SLX4: variants seen among roughly 807,000 people sequenced by gnomAD.
The protein encoded by SLX4 is structure-specific endonuclease subunit SLX4.
A neutral mutation model predicts 146.2 loss-of-function variants in SLX4; 112 were observed. The observed-to-expected ratio is 0.77, with a 90% CI of 0.66 to 0.90. The LOEUF (loss-of-function observed/expected upper bound fraction) is 0.90, where lower values mean the gene tolerates loss of function less well. Among genes scored for constraint, SLX4 ranks in the 40% least tolerant of loss-of-function variants. The probability of loss-of-function intolerance (pLI) is 0.00; values close to 1 mark genes in which losing one functional copy is unlikely to be tolerated. For missense variants in SLX4, 2,563 were observed against 2,392.7 expected, an observed-to-expected ratio of 1.07 and a Z score of -1.49; for synonymous variants, 1,061 against 997.7, an observed-to-expected ratio of 1.06 and a Z score of -1.20.
chr16:3,583,738 C>G (rs2040472302), intron 13 of SLX4, among the ~76,000 whole-genome samples: 1 of 152,240 alleles, frequency 6.6e-6, no homozygotes, highest in African/African-American at 2.4e-5. Context: ...CACAATGGCT[C>G]ACGCCTACAA....
At chr16:3,592,133 C>T (rs2040600788) in intron 11 of SLX4, among the ~76,000 whole-genome samples, 2 of 152,266 alleles carry the variant, frequency 1.3e-5, no homozygotes, top group South Asian at 2.1e-4. Flanking sequence ...TTTCCAACTC[C>T]AGAGGCTGAG....
Position 3,582,393 on chromosome 16 carries a change from G to A in SLX4, c.5454C>T (p.Leu1818=). 6.2e-7 allele frequency: 1 copy of A among 1,613,872 alleles called. No individual in the cohort carries two copies. Among genetic ancestry groups the A allele is most frequent in the South Asian group, 1.1e-5 (1 of 91,078 alleles). The change falls in exon 15 of 15, where the codon CTC becomes CTT. Residue 1818 remains leucine (L), a synonymous_variant. Coordinates refer to ENST00000294008, the MANE Select transcript of SLX4 (RefSeq NM_032444.4). ...FTTAATRREK[L]QGRRRQPRGK... Reference sequence around the variant, plus strand: ...CCCGAGGCTGCCGCCTCCTGCCCTGGAGCTTCTCCCTGCGGGTGGCGGCAG... The same window carrying A: ...CCCGAGGCTGCCGCCTCCTGCCCTGAAGCTTCTCCCTGCGGGTGGCGGCAG...
Position 3,592,683 on chromosome 16 carries a change from G to A in SLX4, c.2327+16C>T. On this transcript the variant is annotated intron_variant, in intron 11 of 14. Coordinates refer to ENST00000294008, the MANE Select transcript of SLX4 (RefSeq NM_032444.4). ...TCCTCGTCAGTTAATTTCAAAAGCT[G>A]GGGAGCAATCCAGACCTGTGGGCCA... 6.2e-7 allele frequency: 1 copy of A among 1,611,194 alleles called. No individual in the cohort carries two copies.
rs1290545290 is a variant in SLX4 at position 3,609,567 on chromosome 16, C to A, written c.-602-1G>T. ...ATATATGGTTCACTTAATTACACAT[C>A]TGTGGAAAACCAAAAGCATGTAAGT... is the stretch of plus-strand genomic sequence containing the variant. On this transcript the variant is annotated splice_acceptor_variant, in intron 1 of 14. Coordinates refer to ENST00000294008, the MANE Select transcript of SLX4 (RefSeq NM_032444.4). LOFTEE classifies it low-confidence loss of function (5UTR_SPLICE). 1 of 153,172 alleles carries A rather than the reference C, an allele frequency of 6.5e-6. No individual in the cohort carries two copies. Among genetic ancestry groups the A allele is most frequent in the Non-Finnish European group, 1.5e-5 (1 of 68,738 alleles). 9.5% of individuals were successfully genotyped at this position (153,172 alleles called of 1,614,324 possible). A position where few individuals can be genotyped will look rare whatever the true frequency, so the allele number is the denominator to read the frequency against.
At position 3,581,301 on chromosome 16, in the gene SLX4, T is replaced by C. The variant is rs117958592; in HGVS notation, c.*1041A>G. ...AGGTTTCCTTCTTTCCTGGCCCTCA[T>C]CTTCCTCCACACTGCTCCTGAGGCT... On this transcript the variant is annotated 3_prime_UTR_variant, in exon 15 of 15. Transcript: ENST00000294008. 442 of 152,858 alleles carry C rather than the reference T, an allele frequency of 2.9e-3. 1 individual carries two copies. The highest frequency in any genetic ancestry group is 5.0e-3 in the Non-Finnish European group (340 of 68,080). The allele number at this position is 152,858 out of a possible 1,614,324, so 9.5% of individuals were successfully genotyped here. A position where few individuals can be genotyped will look rare whatever the true frequency, so the allele number is the denominator to read the frequency against.
In SLX4 at chr16:3,592,840, A is replaced by G. The variant is rs1369556026; in HGVS notation, c.2186T>C (p.Val729Ala). The G allele has an allele frequency of 6.2e-7, 1 of 1,612,004 alleles. No homozygotes were observed. Among genetic ancestry groups the G allele is most frequent in the Non-Finnish European group, 8.5e-7 (1 of 1,179,818 alleles). ...QYVNNEGFSA[V>A]EDGVLTQRVL... The stretch of plus-strand genomic sequence containing the variant: ...ACGCTGGGTCAGAACCCCGTCCTCT[A>G]CAGCGGAGAAGCCTTCATTGTTCAC... Residue 729 changes from valine (V) to alanine (A), a missense_variant, in exon 11 of 15, where the codon GTA (valine) becomes GCA (alanine). By Grantham distance (64) the Val-to-Ala change is moderately conservative (BLOSUM62 0). Transcript: ENST00000294008.
chr16:3,590,908 C>A lies in SLX4; in HGVS notation c.2730G>T (p.Glu910Asp). The change falls in exon 12 of 15, where the codon GAG (glutamate) becomes GAT (aspartate). Residue 910 changes from glutamate to aspartate, a missense_variant. Glu to Asp is a conservative substitution (Grantham distance 45, BLOSUM62 2). Coordinates refer to ENST00000294008, the MANE Select transcript of SLX4 (RefSeq NM_032444.4). This position sits in a 1 kb window ranked among gnomAD's most constrained non-coding sequence, Gnocchi z 4.8. ...WDKVEEMEPLEPGRDEAATTW... is the reference protein window; with the variant it reads ...WDKVEEMEPLDPGRDEAATTW... ...TGGTGGCGGCCTCATCTCTTCCTGG[C>A]TCCAACGGCTCCATCTCCTCCACCT... 3 of 1,614,092 alleles carry A rather than the reference C, an allele frequency of 1.9e-6. No individual in the cohort carries two copies. Among genetic ancestry groups the A allele is most frequent in the Non-Finnish European group, 2.5e-6 (3 of 1,180,026 alleles).
chr16:3,591,026 G>A lies in SLX4; in HGVS notation c.2612C>T (p.Ala871Val), dbSNP rs138259798. Residue 871 changes from alanine to valine, a missense_variant, in exon 12 of 15, where the codon GCG becomes GTG. By Grantham distance (64) the Ala-to-Val change is moderately conservative. Transcript: ENST00000294008. ...QRKLLQEERA[A>V]GAGEDADWLE... is the part of the protein sequence containing the mutation. ...CCAGTCAGCGTCCTCGCCGGCACCC[G>A]CTGCCCTTTCTTCCTGGAGAAGCTT... 17 of 1,614,130 alleles carry A rather than the reference G, an allele frequency of 1.1e-5. No homozygotes were observed. In the African/African-American group the frequency reaches 1.9e-4, roughly 18 times the overall value.
At chr16:3,591,446 A>G in intron 11 of SLX4, 136 bp from the exon 12 acceptor site, 2 of 1,299,472 alleles carry the variant, frequency 1.5e-6, no homozygotes, top group Non-Finnish European at 2.1e-6. Flanking sequence ...CCCTTTGAAG[A>G]CGGTGTCCAC....
chr16:3,583,594 C>T (rs1037274254), intron 13 of SLX4, 84 bp from the exon 14 acceptor site: 1 of 1,460,984 alleles, frequency 6.8e-7, no homozygotes, highest in Non-Finnish European at 9.6e-7. Context: ...AAGAGTGATA[C>T]CCAATGCATT....
At chr16:3,601,803 A>AG in intron 4 of SLX4, 1 of 381,098 alleles carries the variant, frequency 2.6e-6, no homozygotes, top group Admixed American at 3.9e-5. Context: ...CAGGGGAGAG[A>AG]GGGGCAATAG....
Position 3,606,553 on chromosome 16 carries a change from A to C in SLX4, c.681T>G (p.Ala227=), listed in dbSNP as rs745924676. 1.2e-5 allele frequency: 20 copies of C among 1,614,178 alleles called. 1 individual carries two copies. The highest frequency in any genetic ancestry group is 1.4e-5 in the Non-Finnish European group (17 of 1,180,036). Residue 227 remains alanine (A), a synonymous_variant, in exon 3 of 15, where the codon GCT becomes GCG. Transcript: ENST00000294008. ...CAGCCTCGAGGGAGCACTCTTCTGAAGCGTGTCTCAAACGCTCGGGGTCTG... is the reference window on the plus strand; with the variant it reads ...CAGCCTCGAGGGAGCACTCTTCTGACGCGTGTCTCAAACGCTCGGGGTCTG... ...KRADPERLRH[A]SEECSLEAAR... is the part of the protein sequence containing the mutation.
rs2151128384 is a variant in SLX4, at chr16:3,594,446, T to C, written c.2160+7A>G. ...AAAGGAGGGCACACGGCAGCCCACG[T>C]ACTTACATACTGGATGAGGAGCGGG... is the stretch of plus-strand genomic sequence containing the variant. On this transcript the variant is annotated splice_region_variant and intron_variant, in intron 10 of 14. Coordinates refer to ENST00000294008, the MANE Select transcript of SLX4 (RefSeq NM_032444.4). The C allele has an allele frequency of 6.2e-7, 1 of 1,611,686 alleles. No homozygotes were observed. The highest frequency in any genetic ancestry group is 8.5e-7 in the Non-Finnish European group (1 of 1,179,024).
In SLX4 at chr16:3,591,303, C is replaced by T. The variant is rs768126392; in HGVS notation, c.2335G>A (p.Val779Met). 2.0e-5 allele frequency: 33 copies of T among 1,610,968 alleles called. No homozygotes were observed. In the African/African-American group the frequency reaches 2.7e-4, roughly 13 times the overall value. ...TCGCACAGGTGAACGAGCTCACTCA[C>T]GCCAAACCTGCAACACGAAACATCG... ...ELSSLAHRFG[V>M]SELVHLCEQV... The change falls in exon 12 of 15, where the codon GTG becomes ATG. Residue 779 changes from valine (V) to methionine (M), a missense_variant. By Grantham distance (21) the Val-to-Met change is conservative. Transcript: ENST00000294008.
intron 2 of SLX4, among the ~76,000 whole-genome samples, chr16:3,608,048 A>C (rs563065649): frequency 1.6e-4 from 24 of 152,330 alleles, no homozygotes; most frequent in African/African-American, 5.8e-4. Context: ...AGCCGGGCGC[A>C]GTGGCTTACG....
chr16:3,600,591 C>CTTTTTTTTTTT lies in SLX4; in HGVS notation c.1163+377_1163+387dup, dbSNP rs974875930. 20 of 102,494 alleles carry CTTTTTTTTTTT rather than the reference C, an allele frequency of 2.0e-4. 1 individual carries two copies. Among genetic ancestry groups the CTTTTTTTTTTT allele is most frequent in the African/African-American group, 1.2e-3 (19 of 16,166 alleles). 6.3% of individuals were successfully genotyped at this position (102,494 alleles called of 1,614,324 possible). A position where few individuals can be genotyped will look rare whatever the true frequency, so the allele number is the denominator to read the frequency against. ...TTTTTCCCTCCAACACTATAAAAAG[C>CTTTTTTTTTTT]TTTTTTTTTTTTTTTTTTTTTTTTT... On this transcript the variant is annotated intron_variant, in intron 5 of 14. Coordinates refer to ENST00000294008, the MANE Select transcript of SLX4 (RefSeq NM_032444.4).
chr16:3,582,281 C>T lies in SLX4; in HGVS notation c.*61G>A. 1 of 1,489,580 alleles carries T rather than the reference C, an allele frequency of 6.7e-7. No homozygotes were observed. The allele number at this position is 1,489,580 out of a possible 1,614,324, so 92.3% of individuals were successfully genotyped here. On this transcript the variant is annotated 3_prime_UTR_variant, in exon 15 of 15. Transcript: ENST00000294008. The stretch of plus-strand genomic sequence containing the variant: ...CCACGCTGGGTGTCCCAGGTCCTCC[C>T]TGCAAATGGCGGGGGTGGGGGCTGC...
rs553178457 is a variant in SLX4, at chr16:3,599,775, T to C, written c.1163+1204A>G. Among the ~76,000 whole-genome samples, 84 of 152,148 alleles carry C rather than the reference T, an allele frequency of 5.5e-4. 1 individual carries two copies. The highest frequency in any genetic ancestry group is 2.0e-3 in the African/African-American group (81 of 41,502). ...CTAATTTTTTAATTTTTTGTAGTGA[T>C]GGGTCTTGCTATGTAGTCCAGGCTG... On this transcript the variant is annotated intron_variant, in intron 5 of 14. Transcript: ENST00000294008.
Position 3,589,962 on chromosome 16 carries a change from G to T in SLX4, c.3676C>A (p.Arg1226=). The change falls in exon 12 of 15, where the codon CGG becomes AGG. Residue 1226 remains arginine (R), a synonymous_variant. Transcript: ENST00000294008. The surrounding 1 kb of genome is among the most constrained non-coding windows in gnomAD (Gnocchi z 6.2). ...QEDEGALPEN[R]GSLGRRGAPW... ...GCCCCTCTCCTGCCCAAAGAGCCCC[G>T]ATTCTCCGGCAGCGCCCCCTCATCC... is the stretch of plus-strand genomic sequence containing the variant. 6.2e-7 allele frequency: 1 copy of T among 1,613,868 alleles called. No individual in the cohort carries two copies. Among genetic ancestry groups the T allele is most frequent in the Non-Finnish European group, 8.5e-7 (1 of 1,179,988 alleles).
Sources: gnomAD v4.1 joint callset for allele counts (sites outside exome capture counted in the v4.1 genomes callset) on GRCh38, gnomAD v4.1.1 for gene constraint, Gnocchi (gnomAD v3.1) non-coding constraint, MANE v1.5 for transcripts, NCBI Gene and HGNC (gene_info 2026-07-23, HGNC 2026-07-21) for gene names.